Variants in KCNAB1 observed in about 807,000 individuals in gnomAD.
The protein encoded by KCNAB1 is potassium voltage-gated channel subfamily A regulatory beta subunit 1, also known as voltage-gated potassium channel subunit beta-1.
A neutral mutation model predicts 64.6 loss-of-function variants in KCNAB1; 35 were observed. The ratio of observed to expected loss-of-function variants is 0.54; its 90% CI spans 0.41 to 0.72. The LOEUF is 0.72. Ranked by LOEUF, KCNAB1 falls within the 30% of genes least tolerant of loss-of-function variation. The pLI is 0.00. For synonymous variants in KCNAB1, 177 were observed against 183.8 expected, an observed-to-expected ratio of 0.96 and a Z score of 0.30; for missense variants, 401 against 512.9, an observed-to-expected ratio of 0.78 and a Z score of 2.11.
intron 1 of KCNAB1, among the ~76,000 whole-genome samples, chr3:156,389,640 C>T (rs1712876017): frequency 6.6e-6 from 1 of 152,162 alleles, no homozygotes; most frequent in African/African-American, 2.4e-5. Flanking sequence ...GATTGATGCC[C>T]AGCATTCTGT....
intron 1 of KCNAB1, among the ~76,000 whole-genome samples, chr3:156,267,644 C>A (rs899000235): frequency 6.6e-6 from 1 of 152,192 alleles, no homozygotes; most frequent in Admixed American, 6.5e-5. Context: ...TCAACCTCCC[C>A]ATTGAAGCCG....
intron 1 of KCNAB1, among the ~76,000 whole-genome samples, chr3:156,355,597 T>C (rs12635635): frequency 0.097 from 14,737 of 152,250 alleles, 807 homozygotes; most frequent in South Asian, 0.23. Flanking sequence ...ATCATACTTA[T>C]AACTCAAAAG....
At chr3:156,355,638 G>A (rs189546707) in intron 1 of KCNAB1, among the ~76,000 whole-genome samples, 121 of 152,118 alleles carry the variant, frequency 8.0e-4, no homozygotes, top group African/African-American at 2.7e-3. Context: ...TTGTAAATGA[G>A]CAAATTTATC....
chr3:156,346,237 A>G (rs537448235), intron 1 of KCNAB1, among the ~76,000 whole-genome samples: 5 of 152,160 alleles, frequency 3.3e-5, no homozygotes, highest in Non-Finnish European at 7.4e-5. Flanking sequence ...AAGCAAATTA[A>G]CTACAGCTTA....
chr3:156,147,948 C>CACACAT (rs1235016397), intron 1 of KCNAB1, among the ~76,000 whole-genome samples: 137 of 137,916 alleles, frequency 9.9e-4, no homozygotes, highest in Middle Eastern at 3.5e-3. Flanking sequence ...AAGACACACA[C>CACACAT]ACACACACAC....
At chr3:156,252,906 G>A (rs1246702795) in intron 1 of KCNAB1, among the ~76,000 whole-genome samples, 1 of 152,188 alleles carries the variant, frequency 6.6e-6, no homozygotes, top group Non-Finnish European at 1.5e-5. Flanking sequence ...TTTCACCTCT[G>A]AATTCTTTCA....
At chr3:156,176,920 C>G (rs1712417833) in intron 1 of KCNAB1, 1 of 967,578 alleles carries the variant, frequency 1.0e-6, no homozygotes, top group African/African-American at 1.6e-5. Context: ...ATGGCGGCAA[C>G]CGGATGATGC....
intron 2 of KCNAB1, among the ~76,000 whole-genome samples, chr3:156,426,078 A>T (rs556763858): frequency 2.0e-5 from 3 of 152,316 alleles, no homozygotes; most frequent in African/African-American, 7.2e-5. Context: ...ATGAGCCTGG[A>T]AAGAAAGCTA....
chr3:156,303,844 T>C (rs1721313479), intron 1 of KCNAB1, among the ~76,000 whole-genome samples: 1 of 152,180 alleles, frequency 6.6e-6, no homozygotes, highest in South Asian at 2.1e-4. Flanking sequence ...ACATTTTGCT[T>C]GGGCCTAATG....
chr3:156,239,650 A>G (rs564874180), intron 1 of KCNAB1, among the ~76,000 whole-genome samples: 1 of 152,326 alleles, frequency 6.6e-6, no homozygotes, highest in African/African-American at 2.4e-5. Context: ...CACTCACCAC[A>G]CTGTCTACAG....
chr3:156,532,347 A>G lies in KCNAB1; in HGVS notation c.1170+850A>G, dbSNP rs143168098. ...CCACCTCCTTTCCCCAAAGGCCACA[A>G]CTAGTCCTGAGCCTATCCTACTCTC... On this transcript the variant is annotated intron_variant, in intron 13 of 13. Transcript: ENST00000490337. Among the ~76,000 whole-genome samples, 10 of 152,212 alleles carry G rather than the reference A, an allele frequency of 6.6e-5. No homozygotes were observed. The East Asian group carries it at 1.4e-3, about 21-fold the overall frequency.
rs1715851052 is a variant in KCNAB1, at chr3:156,494,366, C to A, written c.658+19546C>A. ...ATTTGGAAGAGCATGGCTCTTAGGG[C>A]TGCCAGTGTTTCCCTAGACTTTTCC... is the stretch of plus-strand genomic sequence containing the variant. On this transcript the variant is annotated intron_variant, in intron 8 of 13. Coordinates refer to ENST00000490337, the MANE Select transcript of KCNAB1 (RefSeq NM_172160.3). Among the ~76,000 whole-genome samples, 3 of 152,082 alleles carry A rather than the reference C, an allele frequency of 2.0e-5. No homozygotes were observed. The South Asian group carries it at 6.2e-4, about 32-fold the overall frequency.
intron 1 of KCNAB1, among the ~76,000 whole-genome samples, chr3:156,215,935 T>G (rs927375777): frequency 2.0e-5 from 3 of 152,194 alleles, no homozygotes; most frequent in Non-Finnish European, 4.4e-5. Context: ...GGTATTAGAT[T>G]GATTTTTATG....
At chr3:156,209,456 G>A (rs539098527) in intron 1 of KCNAB1, among the ~76,000 whole-genome samples, 164 of 152,326 alleles carry the variant, frequency 1.1e-3, no homozygotes, top group African/African-American at 3.8e-3. Flanking sequence ...CAACACTCAC[G>A]TCAATGAACT....
At chr3:156,217,919 A>C (rs1471713536) in intron 1 of KCNAB1, 8 of 152,268 alleles carry the variant, frequency 5.3e-5, no homozygotes, top group Non-Finnish European at 1.0e-4. Flanking sequence ...TGATGGACTG[A>C]GTGATATGTG....
chr3:156,454,339 G>A (rs1401406851), intron 3 of KCNAB1, among the ~76,000 whole-genome samples: 1 of 152,178 alleles, frequency 6.6e-6, no homozygotes, highest in East Asian at 1.9e-4. Flanking sequence ...AGATGGTTCT[G>A]CAGAGTTGTC....
chr3:156,520,265 T>C (rs1174484182), intron 11 of KCNAB1, among the ~76,000 whole-genome samples: 1 of 152,180 alleles, frequency 6.6e-6, no homozygotes, highest in South Asian at 2.1e-4. Flanking sequence ...AGCTCCTCCC[T>C]GTTGATGGCA....
intron 1 of KCNAB1, among the ~76,000 whole-genome samples, chr3:156,267,943 AG>A (rs1281385921): frequency 1.3e-5 from 2 of 151,962 alleles, no homozygotes; most frequent in Admixed American, 6.6e-5. Flanking sequence ...TATTGACCAT[AG>A]TCACCTGCTT....
chr3:156,190,695 A>G (rs1576590561), intron 1 of KCNAB1, among the ~76,000 whole-genome samples: 1 of 151,962 alleles, frequency 6.6e-6, no homozygotes, highest in East Asian at 1.9e-4. Flanking sequence ...CACTTTTAAG[A>G]TTTGTTTTTT....
Sources: allele counts gnomAD v4.1 joint callset (sites outside exome capture counted in the v4.1 genomes callset), GRCh38; gene constraint gnomAD v4.1.1; transcripts MANE v1.5; gene names NCBI Gene and HGNC (gene_info 2026-07-23, HGNC 2026-07-21).